Variants in TMTC1 observed in about 807,000 individuals in gnomAD.
TMTC1 encodes protein O-mannosyl-transferase TMTC1.
Under a neutral mutation model 104.8 loss-of-function variants are expected in TMTC1, and 73 were observed. The ratio of observed to expected loss-of-function variants is 0.70; its 90% confidence interval spans 0.58 to 0.85. TMTC1 has a LOEUF of 0.85. Among genes scored for constraint, TMTC1 ranks in the 40% least tolerant of loss-of-function variants. The probability of loss-of-function intolerance (pLI) is 0.00; values close to 1 mark genes in which losing one functional copy is unlikely to be tolerated. For synonymous variants in TMTC1, 434 were observed against 428.7 expected (o/e 1.01, Z -0.15); for missense variants, 1,035 against 1,096.1 (o/e 0.94, Z 0.79).
chr12:29,572,282 T>A, intron 8 of TMTC1, 64 bp from the exon 9 acceptor site: 1 of 1,339,116 alleles, frequency 7.5e-7, no homozygotes, highest in Non-Finnish European at 1.1e-6. Flanking sequence ...GATTCCTTTA[T>A]GTTTTACTCA....
intron 9 of TMTC1, among the ~76,000 whole-genome samples, chr12:29,566,836 A>G (rs1441710439): frequency 6.6e-6 from 1 of 151,972 alleles, no homozygotes; most frequent in Admixed American, 6.5e-5. Flanking sequence ...TCTCAACCCT[A>G]TTTTGCTAAA....
chr12:29,595,320 AG>A (rs1446332166), intron 7 of TMTC1, among the ~76,000 whole-genome samples: 1 of 152,218 alleles, frequency 6.6e-6, no homozygotes, highest in East Asian at 1.9e-4. Flanking sequence ...CACATTGGCC[AG>A]TGGATCTCCA....
intron 5 of TMTC1, among the ~76,000 whole-genome samples, chr12:29,716,025 A>T (rs1942070725): frequency 6.9e-6 from 1 of 144,750 alleles, no homozygotes; most frequent in South Asian, 2.1e-4. Flanking sequence ...TATTATTATT[A>T]TTATTATTTT....
intron 6 of TMTC1, among the ~76,000 whole-genome samples, chr12:29,608,906 T>G (rs901560894): frequency 1.3e-5 from 2 of 152,136 alleles, no homozygotes; most frequent in African/African-American, 2.4e-5. Flanking sequence ...CTCTTCATAC[T>G]TCCAGTTCAT....
chr12:29,695,789 CTTTT>C (rs201092670), intron 5 of TMTC1, among the ~76,000 whole-genome samples: 1 of 96,998 alleles, frequency 1.0e-5, no homozygotes, highest in African/African-American at 3.7e-5. Context: ...AAACTACTTC[CTTTT>C]TATATATATA....
At chr12:29,681,045 G>A (rs547187718) in intron 5 of TMTC1, among the ~76,000 whole-genome samples, 51 of 143,614 alleles carry the variant, frequency 3.6e-4, no homozygotes, top group African/African-American at 1.3e-3. Context: ...GTTGCAGTGA[G>A]CCCAGATTGC....
At chr12:29,677,880 T>C (rs2136703862) in intron 5 of TMTC1, among the ~76,000 whole-genome samples, 1 of 152,362 alleles carries the variant, frequency 6.6e-6, no homozygotes, top group Middle Eastern at 3.4e-3. Context: ...TGCTCTATTT[T>C]ATTATGTTAT....
At chr12:29,611,109 G>T (rs1317054985) in intron 6 of TMTC1, among the ~76,000 whole-genome samples, 1 of 151,988 alleles carries the variant, frequency 6.6e-6, no homozygotes, top group Non-Finnish European at 1.5e-5. Context: ...ACAGAGCACC[G>T]AAGGCCGATT....
intron 5 of TMTC1, among the ~76,000 whole-genome samples, chr12:29,639,228 T>C (rs1204437874): frequency 6.6e-6 from 1 of 152,162 alleles, no homozygotes; most frequent in African/African-American, 2.4e-5. Flanking sequence ...GTAATATTAA[T>C]ATCAAACTTC....
At chr12:29,739,777 C>T (rs1942777079) in intron 5 of TMTC1, among the ~76,000 whole-genome samples, 2 of 150,284 alleles carry the variant, frequency 1.3e-5, no homozygotes, top group African/African-American at 2.5e-5. Flanking sequence ...GGCATGCTCC[C>T]AGCTCATTGC....
chr12:29,727,852 A>G (rs1406657240), intron 5 of TMTC1, among the ~76,000 whole-genome samples: 1 of 152,036 alleles, frequency 6.6e-6, no homozygotes, highest in Non-Finnish European at 1.5e-5. Flanking sequence ...GTGCACTGCC[A>G]CAATCATAGC....
intron 6 of TMTC1, among the ~76,000 whole-genome samples, chr12:29,627,454 T>C (rs1938059381): frequency 6.6e-6 from 1 of 152,134 alleles, no homozygotes; most frequent in Admixed American, 6.5e-5. Flanking sequence ...TAACAAAAGA[T>C]AAATAACAAG....
chr12:29,614,548 T>C (rs376546303), intron 6 of TMTC1, among the ~76,000 whole-genome samples: 4 of 152,340 alleles, frequency 2.6e-5, no homozygotes, highest in African/African-American at 7.2e-5. Flanking sequence ...AAGGTCCCTA[T>C]GTTTGGAAAT....
chr12:29,700,991 T>A (rs1248645908), intron 5 of TMTC1, among the ~76,000 whole-genome samples: 3 of 152,162 alleles, frequency 2.0e-5, no homozygotes. Context: ...TTTAAAGTAT[T>A]TTAAGCAAAC....
chr12:29,543,884 T>A lies in TMTC1; in HGVS notation c.1677-7567A>T, dbSNP rs1024110744. Among the ~76,000 whole-genome samples the A allele has an allele frequency of 3.3e-5, 5 of 152,324 alleles. 1 individual carries two copies. The highest frequency in any genetic ancestry group is 1.2e-4 in the African/African-American group (5 of 41,582). On this transcript the variant is annotated intron_variant, in intron 10 of 17. Coordinates refer to ENST00000539277, the MANE Select transcript of TMTC1 (RefSeq NM_001193451.2). ...TTCACCCTAATTTTTCTGCTTGACT[T>A]TCTACAGAAGCCACGTGGAACTGTG...
chr12:29,533,370 A>T (rs1162562758), intron 11 of TMTC1: 3 of 152,218 alleles, frequency 2.0e-5, no homozygotes, highest in Non-Finnish European at 4.4e-5. Context: ...AAATGATGTC[A>T]ACAGACAGCA....
At chr12:29,666,514 T>A (rs188718472) in intron 5 of TMTC1, among the ~76,000 whole-genome samples, 176 of 152,104 alleles carry the variant, frequency 1.2e-3, no homozygotes, top group Non-Finnish European at 2.1e-3. Flanking sequence ...ATTACAGGTG[T>A]GAGCCACCAC....
At chr12:29,638,621 C>G (rs148795144) in intron 5 of TMTC1, among the ~76,000 whole-genome samples, 1 of 152,310 alleles carries the variant, frequency 6.6e-6, no homozygotes, top group East Asian at 1.9e-4. Context: ...AAAGAGCACA[C>G]GGTAACACAC....
intron 6 of TMTC1, among the ~76,000 whole-genome samples, 161 bp from the exon 7 acceptor site, chr12:29,604,460 A>T (rs1453387714): frequency 6.6e-6 from 1 of 152,202 alleles, no homozygotes; most frequent in Non-Finnish European, 1.5e-5. Flanking sequence ...GAGAAAGCTG[A>T]CGGGCTAAAA....
Sources: gnomAD v4.1 joint callset for allele counts (sites outside exome capture counted in the v4.1 genomes callset) on GRCh38, gnomAD v4.1.1 for gene constraint, MANE v1.5 for transcripts, NCBI Gene and HGNC (gene_info 2026-07-23, HGNC 2026-07-21) for gene names.